Variants in PEPD observed in about 807,000 individuals in gnomAD.
PEPD encodes xaa-Pro dipeptidase.
Under a neutral mutation model 60.7 loss-of-function variants are expected in PEPD, and 53 were observed. The observed-to-expected ratio is 0.87, with a 90% CI of 0.70 to 1.10. The LOEUF (loss-of-function observed/expected upper bound fraction) is 1.10, where lower values mean the gene tolerates loss of function less well. Ranked by LOEUF, PEPD falls within the 50% of genes least tolerant of loss-of-function variation. PEPD has a pLI of 0.00. For missense variants in PEPD, 711 were observed against 711.9 expected, an observed-to-expected ratio of 1.00 and a Z score of 0.01; for synonymous variants, 267 against 284.1, an observed-to-expected ratio of 0.94 and a Z score of 0.60.
chr19:33,467,459 G>A (rs1194026787), intron 7 of PEPD, among the ~76,000 whole-genome samples: 1 of 152,046 alleles, frequency 6.6e-6, no homozygotes, highest in Non-Finnish European at 1.5e-5. Context: ...AGCAACAGAA[G>A]TCGGGAGGTA....
chr19:33,400,126 G>C (rs972747446), intron 12 of PEPD, among the ~76,000 whole-genome samples: 3 of 152,224 alleles, frequency 2.0e-5, no homozygotes, highest in Admixed American at 2.0e-4. Context: ...GCTGCCTTGG[G>C]CCTGCCTGTC....
At chr19:33,423,875 C>T (rs903700801) in intron 9 of PEPD, among the ~76,000 whole-genome samples, 6 of 152,206 alleles carry the variant, frequency 3.9e-5, no homozygotes, top group Non-Finnish European at 8.8e-5. Context: ...TTCCCTACCC[C>T]TATGATTATA....
At chr19:33,509,407 C>G (rs1970879194) in intron 3 of PEPD, among the ~76,000 whole-genome samples, 1 of 152,246 alleles carries the variant, frequency 6.6e-6, no homozygotes, top group African/African-American at 2.4e-5. Flanking sequence ...GGCTGGGATC[C>G]TGCCAAGTGG....
chr19:33,521,736 G>T lies in PEPD; in HGVS notation c.17+8C>A. The T allele has an allele frequency of 6.3e-7, 1 of 1,579,812 alleles. No homozygotes were observed. Reference sequence around the variant, plus strand: ...AGCGGGAAAGAGCGAGGGAGGCGCAGCACTCACCCGGTGGCCGCCGCCATG... The same window carrying T: ...AGCGGGAAAGAGCGAGGGAGGCGCATCACTCACCCGGTGGCCGCCGCCATG... On this transcript the variant is annotated splice_region_variant and intron_variant, in intron 1 of 14. Coordinates refer to ENST00000244137, the MANE Select transcript of PEPD (RefSeq NM_000285.4).
intron 5 of PEPD, among the ~76,000 whole-genome samples, chr19:33,490,937 A>C (rs1054497353): frequency 6.6e-6 from 1 of 151,546 alleles, no homozygotes; most frequent in Non-Finnish European, 1.5e-5. Context: ...TGCTGGGATT[A>C]CAGGCATGAG....
intron 3 of PEPD, among the ~76,000 whole-genome samples, chr19:33,510,590 A>T (rs1016863621): frequency 3.2e-4 from 48 of 152,222 alleles, no homozygotes; most frequent in African/African-American, 1.1e-3. Flanking sequence ...ATATTTGGGG[A>T]TGTTCTACAC....
intron 7 of PEPD, among the ~76,000 whole-genome samples, chr19:33,467,113 C>G (rs527642323): frequency 2.7e-5 from 4 of 150,362 alleles, no homozygotes; most frequent in Non-Finnish European, 5.9e-5. Flanking sequence ...GCCGAGATCA[C>G]GCCACTGCAC....
intron 9 of PEPD, among the ~76,000 whole-genome samples, chr19:33,415,744 C>A (rs1042029869): frequency 9.9e-5 from 15 of 152,190 alleles, no homozygotes; most frequent in Non-Finnish European, 2.1e-4. Context: ...CAAAGTGCAG[C>A]CCGACACTGG....
At chr19:33,447,713 C>T (rs1402535114) in intron 9 of PEPD, among the ~76,000 whole-genome samples, 3 of 152,206 alleles carry the variant, frequency 2.0e-5, no homozygotes, top group South Asian at 2.1e-4. Flanking sequence ...TGCTCAGCCA[C>T]CCCCAAGATG....
rs903812640 is a variant in PEPD, at chr19:33,496,711, T to G, written c.394-3374A>C. ...GCGCTGTTAAATGACCCTGCCTTGC[T>G]TCATGCCAGAGCCAGCATCGATTTC... On this transcript the variant is annotated intron_variant, in intron 4 of 14. Coordinates refer to ENST00000244137, the MANE Select transcript of PEPD (RefSeq NM_000285.4). 2.0e-5 allele frequency among the ~76,000 whole-genome samples: 3 copies of G among 152,232 alleles called. No homozygotes were observed. The South Asian group carries it at 6.2e-4, about 32-fold the overall frequency.
At chr19:33,445,080 C>T (rs1969568135) in intron 9 of PEPD, among the ~76,000 whole-genome samples, 1 of 152,146 alleles carries the variant, frequency 6.6e-6, no homozygotes, top group South Asian at 2.1e-4. Flanking sequence ...CAGTGTGATG[C>T]TGGATGGATT....
At chr19:33,494,360 C>T (rs115126134) in intron 4 of PEPD, among the ~76,000 whole-genome samples, 1 of 152,178 alleles carries the variant, frequency 6.6e-6, no homozygotes, top group Admixed American at 6.5e-5. Context: ...TCTATGCTGC[C>T]TGTATTTAAC....
At chr19:33,472,555 G>A (rs1970140283) in intron 7 of PEPD, among the ~76,000 whole-genome samples, 1 of 152,182 alleles carries the variant, frequency 6.6e-6, no homozygotes, top group Non-Finnish European at 1.5e-5. Flanking sequence ...ACAAAAAGTA[G>A]ATGAGGCAAA....
intron 6 of PEPD, among the ~76,000 whole-genome samples, chr19:33,483,606 T>C (rs1372694088): frequency 1.3e-5 from 2 of 152,120 alleles, no homozygotes; most frequent in African/African-American, 4.8e-5. Flanking sequence ...GCCCAGGAGT[T>C]CAAGACCAGC....
intron 9 of PEPD, among the ~76,000 whole-genome samples, chr19:33,461,188 C>T (rs548271337): frequency 1.3e-5 from 2 of 152,244 alleles, no homozygotes; most frequent in Admixed American, 6.5e-5. Flanking sequence ...TGCTATGACA[C>T]GATGTCTAGG....
chr19:33,487,891 G>C (rs775839424), intron 6 of PEPD, among the ~76,000 whole-genome samples: 44 of 152,164 alleles, frequency 2.9e-4, no homozygotes, highest in Non-Finnish European at 4.7e-4. Context: ...CTCCTGGGGG[G>C]TAGAACGAGA....
chr19:33,432,039 C>T (rs1023823227), intron 9 of PEPD, among the ~76,000 whole-genome samples: 3 of 144,760 alleles, frequency 2.1e-5, no homozygotes, highest in Non-Finnish European at 3.0e-5. Context: ...GTGACCATTA[C>T]GAGTCTAAGA....
At chr19:33,463,588 G>A (rs933909356) in intron 8 of PEPD, among the ~76,000 whole-genome samples, 3 of 152,206 alleles carry the variant, frequency 2.0e-5, no homozygotes, top group Non-Finnish European at 2.9e-5. Context: ...GTTTGGAAGA[G>A]AAATTTTCAG....
intron 9 of PEPD, among the ~76,000 whole-genome samples, chr19:33,431,624 C>T (rs990423901): frequency 6.6e-6 from 1 of 152,188 alleles, no homozygotes; most frequent in African/African-American, 2.4e-5. Flanking sequence ...CATCTGGCAG[C>T]ACCTCTGCCT....
Sources: allele counts gnomAD v4.1 joint callset (sites outside exome capture counted in the v4.1 genomes callset), GRCh38; gene constraint gnomAD v4.1.1; transcripts MANE v1.5; gene names NCBI Gene and HGNC (gene_info 2026-07-23, HGNC 2026-07-21).